VILL: variants seen among roughly 807,000 people sequenced by gnomAD.
The protein encoded by VILL is villin-like protein.
A neutral mutation model predicts 106.3 loss-of-function variants in VILL; 102 were observed. That is an observed-to-expected ratio of 0.96 (90% CI 0.82 to 1.13). The LOEUF (loss-of-function observed/expected upper bound fraction) is 1.13. VILL is among the 50% of genes most tolerant of loss of function. The pLI is 0.00. For missense variants in VILL, 1,076 were observed against 1,116.6 expected (o/e 0.96, Z 0.52); for synonymous variants, 431 against 440.3 (o/e 0.98, Z 0.27).
At chr3:38,003,510 A>G (rs1481066206) in intron 15 of VILL, 197 bp downstream of exon 15, 11 of 667,350 alleles carry the variant, frequency 1.6e-5, no homozygotes, top group Non-Finnish European at 2.4e-5. Flanking sequence ...CGTCTCTCAG[A>G]TGCTGGGGAG....
chr3:37,997,639 A>T lies in VILL; in HGVS notation c.718A>T (p.Ser240Cys), dbSNP rs757701263. The T allele has an allele frequency of 6.3e-7, 1 of 1,576,828 alleles. No homozygotes were observed. The highest frequency in any genetic ancestry group is 8.6e-7 in the Non-Finnish European group (1 of 1,156,874). ...GGGCAGCCTGCGTGCCGCCACGCCC[A>T]GCAAGGATATCAACCAGCTGCAGAA... ...RVGSLRAATPSKDINQLQKAN... is the reference protein window; with the variant it reads ...RVGSLRAATPCKDINQLQKAN... The change falls in exon 7 of 20, where the codon AGC (serine) becomes TGC (cysteine). Residue 240 changes from serine (S) to cysteine (C), a missense_variant. Physicochemically the swap from Ser to Cys is moderately radical, Grantham distance 112. Transcript: ENST00000383759. This position sits in a 1 kb window ranked among gnomAD's most constrained non-coding sequence, Gnocchi z 4.7.
chr3:38,001,140 C>T, intron 11 of VILL: 1 of 534,670 alleles, frequency 1.9e-6, no homozygotes, highest in Non-Finnish European at 3.5e-6. Context: ...CAGCGAGCAG[C>T]TGGGAGGGGA....
chr3:38,006,452 G>A lies in VILL; in HGVS notation c.2209G>A (p.Val737Ile), dbSNP rs759432697. The A allele has an allele frequency of 5.0e-6, 8 of 1,598,232 alleles. No individual in the cohort carries two copies. In the African/African-American group the frequency reaches 5.4e-5, roughly 11 times the overall value. Reference sequence around the variant, plus strand: ...CCTGAGGCTCCTCTCTGGACAGGAAGTCAACAACTTGCGGCTATCCAGATG... The same window carrying A: ...CCTGAGGCTCCTCTCTGGACAGGAAATCAACAACTTGCGGCTATCCAGATG... ...ASTISEITAE[V>I]NNLRLSRWPG... The change falls in exon 19 of 20, where the codon GTC becomes ATC. Residue 737 changes from valine (V) to isoleucine (I), a missense_variant. By Grantham distance (29) the Val-to-Ile change is conservative (BLOSUM62 3). Coordinates refer to ENST00000383759, the MANE Select transcript of VILL (RefSeq NM_015873.4).
At chr3:38,000,640 G>A (rs1348372546) in intron 11 of VILL, among the ~76,000 whole-genome samples, 1 of 152,202 alleles carries the variant, frequency 6.6e-6, no homozygotes, top group Admixed American at 6.5e-5. Flanking sequence ...GTAGGCAGTG[G>A]ACAGGCAGGC....
chr3:37,994,197 TC>T (rs1325055389), intron 3 of VILL, 63 bp from the exon 4 acceptor site: 1 of 1,538,602 alleles, frequency 6.5e-7, no homozygotes, highest in Non-Finnish European at 8.8e-7. Context: ...TGGTACATCC[TC>T]CCCTTCTCCA....
In VILL at chr3:38,001,786, C is replaced by T. The variant is rs201414135; in HGVS notation, c.1405C>T (p.Gln469Ter). The T allele has an allele frequency of 1.9e-6, 3 of 1,614,002 alleles. No homozygotes were observed. The highest frequency in any genetic ancestry group is 2.5e-6 in the Non-Finnish European group (3 of 1,179,978). Residue 469 changes from glutamine to a stop codon, truncating the protein, a stop_gained, in exon 13 of 20, where the codon CAG becomes TAG. Coordinates refer to ENST00000383759, the MANE Select transcript of VILL (RefSeq NM_015873.4). LOFTEE classifies it high-confidence loss of function. ...LDVMYGGVLV[Q>*]EHVTMGSEPP... ...TGTCATGTATGGTGGCGTCCTAGTA[C>T]AGGAGCATGTGACCATGGGCAGCGA... is the stretch of plus-strand genomic sequence containing the variant.
intron 18 of VILL, 28 bp from the exon 19 acceptor site, chr3:38,006,421 C>G: frequency 6.3e-7 from 1 of 1,581,592 alleles, no homozygotes; most frequent in Non-Finnish European, 8.6e-7. Context: ...TCCCCATCTT[C>G]CCCAGCCTGA....
Position 38,005,965 on chromosome 3 carries a change from C to T in VILL, c.2124C>T (p.Tyr708=), listed in dbSNP as rs1699911679. The T allele has an allele frequency of 1.9e-6, 3 of 1,611,196 alleles. No individual in the cohort carries two copies. The highest frequency in any genetic ancestry group is 1.7e-5 in the Admixed American group (1 of 59,818). The change falls in exon 17 of 20, where the codon TAC becomes TAT. Residue 708 remains tyrosine (Y), a synonymous_variant. Coordinates refer to ENST00000383759, the MANE Select transcript of VILL (RefSeq NM_015873.4). Reference sequence around the variant, plus strand: ...GATGGTTCTTCACTTGGGACCCCTACAAGTGGACTGTGAGTGAGGCCTGAA... The same window carrying T: ...GATGGTTCTTCACTTGGGACCCCTATAAGTGGACTGTGAGTGAGGCCTGAA... ...FIGWFFTWDP[Y]KWTSHPSHKE...
chr3:38,001,273 T>C, intron 11 of VILL, 183 bp from the exon 12 acceptor site: 2 of 894,696 alleles, frequency 2.2e-6, no homozygotes, highest in Non-Finnish European at 3.3e-6. Context: ...AAGGGTCACC[T>C]GCAGATCCTT....
chr3:38,000,367 G>C (rs1047763466), intron 11 of VILL, among the ~76,000 whole-genome samples: 1 of 151,872 alleles, frequency 6.6e-6, no homozygotes, highest in Non-Finnish European at 1.5e-5. Context: ...AAGAGAGACA[G>C]AGAAGAAAAG....
chr3:37,994,526 AG>A, intron 4 of VILL, 60 bp downstream of exon 4: 1 of 1,572,800 alleles, frequency 6.4e-7, no homozygotes, highest in South Asian at 1.2e-5. Context: ...TGGCTGGGGC[AG>A]TCTTGGGATG....
rs753620225 is a variant in VILL at position 37,997,167 on chromosome 3, A to G, written c.541A>G (p.Ser181Gly). Residue 181 changes from serine (S) to glycine (G), a missense_variant, in exon 6 of 20, where the codon AGC becomes GGC. By Grantham distance (56) the Ser-to-Gly change is moderately conservative. Coordinates refer to ENST00000383759, the MANE Select transcript of VILL (RefSeq NM_015873.4). The surrounding 1 kb of genome is among the most constrained non-coding windows in gnomAD (Gnocchi z 4.7). ...MMIQWNGPKT[S>G]ISEKARGLAL... is the part of the protein sequence containing the mutation. ...GATTCAGTGGAATGGGCCCAAGACC[A>G]GCATTTCTGAGAAGGCTCGGGTCAG... 2 of 1,614,158 alleles carry G rather than the reference A, an allele frequency of 1.2e-6. No individual in the cohort carries two copies. Among genetic ancestry groups the G allele is most frequent in the South Asian group, 1.1e-5 (1 of 91,088 alleles).
At chr3:37,995,887 C>T in intron 5 of VILL, 40 bp downstream of exon 5, 1 of 1,554,332 alleles carries the variant, frequency 6.4e-7, no homozygotes, top group Admixed American at 1.7e-5. Context: ...CTGAACTCGG[C>T]TCAGACTGGG....
rs1699817783 is a variant in VILL at position 38,001,600 on chromosome 3, C to T, written c.1320+7C>T. ...CATCCTGTACCTATGGCAGGTGTGCCAGCCTGAGGGAGGCAGCACTCACCT... is the reference window on the plus strand; with the variant it reads ...CATCCTGTACCTATGGCAGGTGTGCTAGCCTGAGGGAGGCAGCACTCACCT... On this transcript the variant is annotated splice_region_variant and intron_variant, in intron 12 of 19. Coordinates refer to ENST00000383759, the MANE Select transcript of VILL (RefSeq NM_015873.4). The T allele has an allele frequency of 6.2e-7, 1 of 1,613,984 alleles. No individual in the cohort carries two copies. The highest frequency in any genetic ancestry group is 8.5e-7 in the Non-Finnish European group (1 of 1,179,946).
chr3:38,000,078 T>C lies in VILL; in HGVS notation c.1182+639T>C, dbSNP rs182044194. 2.0e-5 allele frequency among the ~76,000 whole-genome samples: 3 copies of C among 152,362 alleles called. No individual in the cohort carries two copies. The East Asian group carries it at 5.8e-4, about 29-fold the overall frequency. On this transcript the variant is annotated intron_variant, in intron 11 of 19. Transcript: ENST00000383759. ...GCAGAGCCCTGAATTTTTTAGGCCC[T>C]AGTTTTTAAATAAAGTGGGGTCAGA...
Position 37,998,027 on chromosome 3 carries a change from G to A in VILL, c.765-63G>A, listed in dbSNP as rs1181563285. 2 of 1,502,638 alleles carry A rather than the reference G, an allele frequency of 1.3e-6. No homozygotes were observed. The highest frequency in any genetic ancestry group is 1.8e-6 in the Non-Finnish European group (2 of 1,105,820). The allele number at this position is 1,502,638 out of a possible 1,614,324, so 93.1% of individuals were successfully genotyped here. ...GGACTGGGGTGGGGTCCTAAATGGG[G>A]CTGGAGTGGAGACAGATCAGGGAGG... On this transcript the variant is annotated intron_variant, in intron 7 of 19. Transcript: ENST00000383759. The surrounding 1 kb of genome is among the most constrained non-coding windows in gnomAD (Gnocchi z 4.1).
chr3:38,006,103 C>A, intron 17 of VILL, 78 bp from the exon 18 acceptor site: 1 of 1,606,736 alleles, frequency 6.2e-7, no homozygotes, highest in Non-Finnish European at 8.5e-7. Context: ...CTGGTCTTGT[C>A]CTCAGGCCCC....
intron 17 of VILL, 102 bp from the exon 18 acceptor site, chr3:38,006,079 T>C (rs1699914362): frequency 6.3e-7 from 1 of 1,593,990 alleles, no homozygotes; most frequent in Non-Finnish European, 8.6e-7. Context: ...GGATTGCCAG[T>C]GTGTGCGAGA....
chr3:37,999,405 T>C lies in VILL; in HGVS notation c.1148T>C (p.Leu383Pro), dbSNP rs765980893. The C allele has an allele frequency of 2.7e-6, 4 of 1,494,762 alleles. No homozygotes were observed. The highest frequency in any genetic ancestry group is 3.6e-6 in the Non-Finnish European group (4 of 1,125,776). The allele number at this position is 1,494,762 out of a possible 1,614,324, so 92.6% of individuals were successfully genotyped here. ...LHTQPKLAAQ[L>P]RMVDDGSGKV... ...ACCCAGCCTAAGTTAGCGGCCCAGC[T>C]CAGGATGGTGGACGACGGCTCTGGG... Residue 383 changes from leucine to proline, a missense_variant, in exon 11 of 20, where the codon CTC becomes CCC. Leu to Pro is a moderately conservative substitution (Grantham distance 98). Transcript: ENST00000383759.
Sources: gnomAD v4.1 joint callset for allele counts (sites outside exome capture counted in the v4.1 genomes callset) on GRCh38, gnomAD v4.1.1 for gene constraint, Gnocchi (gnomAD v3.1) non-coding constraint, MANE v1.5 for transcripts, NCBI Gene and HGNC (gene_info 2026-07-23, HGNC 2026-07-21) for gene names.